The following SLC6A19 variants were observed in gnomAD, a reference collection of about 807,000 sequenced individuals.
SLC6A19 encodes the protein solute carrier family 6 member 19, also known as sodium-dependent neutral amino acid transporter B(0)AT1.
SLC6A19 carries 67 observed loss-of-function variants against 68.3 expected under a neutral mutation model. The observed-to-expected ratio is 0.98, with a 90% CI of 0.81 to 1.20. SLC6A19 has a LOEUF of 1.20. Among genes scored for constraint, SLC6A19 ranks in the 50% most tolerant of loss-of-function variants. The probability of loss-of-function intolerance (pLI) is 0.00; values close to 1 mark genes in which losing one functional copy is unlikely to be tolerated. For synonymous variants in SLC6A19, 392 were observed against 374.9 expected, an observed-to-expected ratio of 1.05 and a Z score of -0.53; for missense variants, 813 against 851.6, an observed-to-expected ratio of 0.95 and a Z score of 0.56.
At chr5:1,218,680 C>T (rs1746272936) in intron 8 of SLC6A19, among the ~76,000 whole-genome samples, 1 of 152,234 alleles carries the variant, frequency 6.6e-6, no homozygotes, top group Admixed American at 6.5e-5. Flanking sequence ...CGGAACGGGG[C>T]TCTGAGTGCC....
chr5:1,219,632 G>A lies in SLC6A19; in HGVS notation c.1506G>A (p.Met502Ile), dbSNP rs754034303. 3 of 1,607,942 alleles carry A rather than the reference G, an allele frequency of 1.9e-6. No individual in the cohort carries two copies. The highest frequency in any genetic ancestry group is 2.7e-5 in the African/African-American group (2 of 74,950). ...TGCTCATCATCGCCTTCTGCGAGAT[G>A]TTCTCTGTGGTCTACGTGTACGGTG... ...IPLLIIAFCE[M>I]FSVVYVYGVD... The change falls in exon 10 of 12, where the codon ATG (methionine) becomes ATA (isoleucine). Residue 502 changes from methionine to isoleucine, a missense_variant. Physicochemically the swap from Met to Ile is conservative, Grantham distance 10. Coordinates refer to ENST00000304460, the MANE Select transcript of SLC6A19 (RefSeq NM_001003841.3).
chr5:1,212,366 A>G lies in SLC6A19; in HGVS notation c.545A>G (p.Asn182Ser). Residue 182 changes from asparagine to serine, a missense_variant, in exon 4 of 12, where the codon AAC becomes AGC. Physicochemically the swap from Asn to Ser is conservative, Grantham distance 46. Coordinates refer to ENST00000304460, the MANE Select transcript of SLC6A19 (RefSeq NM_001003841.3). This position sits in a 1 kb window ranked among gnomAD's most constrained non-coding sequence, Gnocchi z 5.1. ...VDYFWYRETL[N>S]ISTSISDSGS... Reference sequence around the variant, plus strand: ...TACTTCTGGTACCGAGAGACGCTCAACATCTCCACGTCCATCAGCGACTCG... The same window carrying G: ...TACTTCTGGTACCGAGAGACGCTCAGCATCTCCACGTCCATCAGCGACTCG... The G allele has an allele frequency of 6.2e-7, 1 of 1,613,550 alleles. No homozygotes were observed. The highest frequency in any genetic ancestry group is 8.5e-7 in the Non-Finnish European group (1 of 1,179,946).
Position 1,222,375 on chromosome 5 carries a change from G to T in SLC6A19, c.*471G>T, listed in dbSNP as rs770465027. 34 of 462,774 alleles carry T rather than the reference G, an allele frequency of 7.3e-5. No homozygotes were observed. The highest frequency in any genetic ancestry group is 9.4e-5 in the Non-Finnish European group (25 of 264,840). 28.7% of individuals were successfully genotyped at this position (462,774 alleles called of 1,614,324 possible). A position where few individuals can be genotyped will look rare whatever the true frequency, so the allele number is the denominator to read the frequency against. On this transcript the variant is annotated 3_prime_UTR_variant, in exon 12 of 12. Transcript: ENST00000304460. Reference sequence around the variant, plus strand: ...GCATGCACATGTGCTCGTACAATGGGTGTCCACATGCACGTGTATATGTAT... The same window carrying T: ...GCATGCACATGTGCTCGTACAATGGTTGTCCACATGCACGTGTATATGTAT...
rs778071659 is a variant in SLC6A19, at chr5:1,219,574, C to T, written c.1448C>T (p.Ser483Phe). Reference sequence around the variant, plus strand: ...CTGAACTCCGGCCAGTACTGGCTCTCCCTGCTGGACAGCTATGCCGGCTCC... The same window carrying T: ...CTGAACTCCGGCCAGTACTGGCTCTTCCTGCTGGACAGCTATGCCGGCTCC... ...FTLNSGQYWL[S>F]LLDSYAGSIP... Residue 483 changes from serine (S) to phenylalanine (F), a missense_variant, in exon 10 of 12, where the codon TCC becomes TTC. Coordinates refer to ENST00000304460, the MANE Select transcript of SLC6A19 (RefSeq NM_001003841.3). 2.5e-6 allele frequency: 4 copies of T among 1,612,112 alleles called. No individual in the cohort carries two copies. The highest frequency in any genetic ancestry group is 2.2e-5 in the East Asian group (1 of 44,888).
rs1746078621 is a variant in SLC6A19, at chr5:1,212,695, T to C, written c.663+211T>C. Among the ~76,000 whole-genome samples, 1 of 151,906 alleles carries C rather than the reference T, an allele frequency of 6.6e-6. No homozygotes were observed. Among genetic ancestry groups the C allele is most frequent in the African/African-American group, 2.4e-5 (1 of 41,304 alleles). The stretch of plus-strand genomic sequence containing the variant: ...CCCAGGTTTCCTGAAATGACCAGAC[T>C]TGGGGCTCCAGGAACTTGACGTTGG... On this transcript the variant is annotated intron_variant, in intron 4 of 11. Transcript: ENST00000304460. This position sits in a 1 kb window ranked among gnomAD's most constrained non-coding sequence, Gnocchi z 5.1.
At chr5:1,203,372 G>A (rs1270117133) in intron 1 of SLC6A19, among the ~76,000 whole-genome samples, 3 of 152,182 alleles carry the variant, frequency 2.0e-5, no homozygotes, top group Admixed American at 6.5e-5. Context: ...AGCGGGTGCT[G>A]GCGCTGCACC....
At chr5:1,220,921 C>G (rs765709103) in intron 10 of SLC6A19, among the ~76,000 whole-genome samples, 1 of 152,158 alleles carries the variant, frequency 6.6e-6, no homozygotes, top group South Asian at 2.1e-4. Context: ...ATGGGCAAGC[C>G]GTCGAGCACT....
At chr5:1,208,570 CG>C (rs1187371313) in intron 1 of SLC6A19, among the ~76,000 whole-genome samples, 175 bp from the exon 2 acceptor site, 1 of 152,208 alleles carries the variant, frequency 6.6e-6, no homozygotes, top group Non-Finnish European at 1.5e-5. Context: ...GCTTCTAGAA[CG>C]TGGAGTCAGC....
In SLC6A19 at chr5:1,208,733, C is replaced by T; in HGVS notation, c.203-13C>T. On this transcript the variant is annotated splice_polypyrimidine_tract_variant and intron_variant, in intron 1 of 11. Coordinates refer to ENST00000304460, the MANE Select transcript of SLC6A19 (RefSeq NM_001003841.3). The stretch of plus-strand genomic sequence containing the variant: ...GAACGGCTCTCAGGCATGGTGGACT[C>T]CTCCCATTGCAGGAGCCTTCATGAT... 1 of 1,613,374 alleles carries T rather than the reference C, an allele frequency of 6.2e-7. No homozygotes were observed.
At chr5:1,206,754 G>A (rs1400924627) in intron 1 of SLC6A19, among the ~76,000 whole-genome samples, 1 of 152,108 alleles carries the variant, frequency 6.6e-6, no homozygotes, top group African/African-American at 2.4e-5. Flanking sequence ...AGGAGGGGCT[G>A]TCGCTGGGAC....
In SLC6A19 at chr5:1,218,779, T is replaced by C. The variant is rs1415091950; in HGVS notation, c.1174-124T>C. 3 of 931,858 alleles carry C rather than the reference T, an allele frequency of 3.2e-6. No individual in the cohort carries two copies. The African/African-American group carries it at 4.9e-5, about 15-fold the overall frequency. The allele number at this position is 931,858 out of a possible 1,614,324, so 57.7% of individuals were successfully genotyped here. On this transcript the variant is annotated intron_variant, in intron 8 of 11. Transcript: ENST00000304460. ...GGCCTAAAAGACAAGATCTAGCTATTTCATGACAGCTCAGACCTGCCCGCC... is the reference window on the plus strand; with the variant it reads ...GGCCTAAAAGACAAGATCTAGCTATCTCATGACAGCTCAGACCTGCCCGCC...
intron 8 of SLC6A19, among the ~76,000 whole-genome samples, chr5:1,217,403 T>G (rs1437809698): frequency 6.6e-6 from 1 of 152,166 alleles, no homozygotes; most frequent in African/African-American, 2.4e-5. Flanking sequence ...ACGTAACGAG[T>G]GTTTTTGAAT....
At position 1,220,641 on chromosome 5, in the gene SLC6A19, C is replaced by A. The variant is rs1257373734; in HGVS notation, c.1539-510C>A. On this transcript the variant is annotated intron_variant, in intron 10 of 11. Transcript: ENST00000304460. ...CTTCTGCGGGGACCATGGGTACCCA[C>A]CTGGACACTGCAGGCCTGGGACCGG... Among the ~76,000 whole-genome samples the A allele has an allele frequency of 3.3e-5, 5 of 152,124 alleles. No individual in the cohort carries two copies. The East Asian group carries it at 9.6e-4, about 29-fold the overall frequency.
Position 1,218,869 on chromosome 5 carries a change from C to G in SLC6A19, c.1174-34C>G, listed in dbSNP as rs544409658. 6 of 1,604,300 alleles carry G rather than the reference C, an allele frequency of 3.7e-6. No homozygotes were observed. In the East Asian group the frequency reaches 1.3e-4, roughly 36 times the overall value. On this transcript the variant is annotated intron_variant, in intron 8 of 11. Coordinates refer to ENST00000304460, the MANE Select transcript of SLC6A19 (RefSeq NM_001003841.3). Reference sequence around the variant, plus strand: ...GGGAGGAGACGGAGCCCACGGAGGGCAGAGGCCCTGGTGACTGTGTGTCAT... The same window carrying G: ...GGGAGGAGACGGAGCCCACGGAGGGGAGAGGCCCTGGTGACTGTGTGTCAT...
intron 9 of SLC6A19, 85 bp downstream of exon 9, chr5:1,219,192 CCGGCCGTGCGTG>C: frequency 7.6e-7 from 1 of 1,320,542 alleles, no homozygotes; most frequent in Non-Finnish European, 1.1e-6. Context: ...AGCTCTGTCC[CCGGCCGTGCGTG>C]CAGCCCCCGG....
chr5:1,206,931 C>T (rs1260355536), intron 1 of SLC6A19, among the ~76,000 whole-genome samples: 3 of 152,196 alleles, frequency 2.0e-5, no homozygotes, highest in African/African-American at 7.2e-5. Flanking sequence ...GGAATTCTTG[C>T]GCCGTTGCAG....
intron 1 of SLC6A19, among the ~76,000 whole-genome samples, chr5:1,205,880 C>T (rs1449136588): frequency 6.6e-5 from 10 of 152,218 alleles, no homozygotes; most frequent in Non-Finnish European, 1.3e-4. Context: ...CATAGGGACC[C>T]GCTGGTGAGC....
chr5:1,221,717 C>T lies in SLC6A19; in HGVS notation c.1718C>T (p.Ser573Phe). Residue 573 changes from serine (S) to phenylalanine (F), a missense_variant, in exon 12 of 12, where the codon TCC (serine) becomes TTC (phenylalanine). Physicochemically the swap from Ser to Phe is radical, Grantham distance 155 (BLOSUM62 -2). Transcript: ENST00000304460. ...TCTCCCCAGGAGGAATTTCCCAAAT[C>T]CCAGAAGATCTCCTACCCGAACTGG... ...WDPGYEEFPKSQKISYPNWVY... is the reference protein window; with the variant it reads ...WDPGYEEFPKFQKISYPNWVY... 6.2e-7 allele frequency: 1 copy of T among 1,613,996 alleles called. No homozygotes were observed. The highest frequency in any genetic ancestry group is 8.5e-7 in the Non-Finnish European group (1 of 1,179,896).
rs1579520200 is a variant in SLC6A19, at chr5:1,222,901, A to C, written c.*997A>C. 1 of 151,948 alleles carries C rather than the reference A, an allele frequency of 6.6e-6. No homozygotes were observed. Among genetic ancestry groups the C allele is most frequent in the Non-Finnish European group, 1.5e-5 (1 of 68,022 alleles). 9.4% of individuals were successfully genotyped at this position (151,948 alleles called of 1,614,324 possible). On this transcript the variant is annotated 3_prime_UTR_variant, in exon 12 of 12. Coordinates refer to ENST00000304460, the MANE Select transcript of SLC6A19 (RefSeq NM_001003841.3). Reference sequence around the variant, plus strand: ...AAGCTGCAGCTGGGGTGGGGGCAGCACCTCTATGCTTCATCTCTGTGGGTG... The same window carrying C: ...AAGCTGCAGCTGGGGTGGGGGCAGCCCCTCTATGCTTCATCTCTGTGGGTG...
Sources: allele counts gnomAD v4.1 joint callset (sites outside exome capture counted in the v4.1 genomes callset), GRCh38; gene constraint gnomAD v4.1.1; non-coding constraint Gnocchi (gnomAD v3.1); transcripts MANE v1.5; gene names NCBI Gene and HGNC (gene_info 2026-07-23, HGNC 2026-07-21).